PHACTR3: variants seen among roughly 807,000 people sequenced by gnomAD.
PHACTR3 encodes phosphatase and actin regulator 3, also known as protein phosphatase 1, regulatory subunit 123.
In PHACTR3, 16 loss-of-function variants were observed where a neutral mutation model predicts 66.8. The observed-to-expected ratio is 0.24, with a 90% CI of 0.16 to 0.36. The LOEUF is 0.36. PHACTR3 is among the 10% of genes least tolerant of loss of function. PHACTR3 has a pLI of 1.00. For synonymous variants in PHACTR3, 323 were observed against 292.1 expected (o/e 1.11, Z -1.08); for missense variants, 647 against 719.9 (o/e 0.90, Z 1.16).
intron 7 of PHACTR3, among the ~76,000 whole-genome samples, chr20:59,784,316 G>GTATA (rs766319585): frequency 1.1e-4 from 14 of 128,788 alleles, no homozygotes; most frequent in South Asian, 7.1e-4. Flanking sequence ...GTGTGTGGAT[G>GTATA]TATATATATA....
intron 1 of PHACTR3, among the ~76,000 whole-genome samples, chr20:59,685,569 C>T (rs1467294497): frequency 6.6e-6 from 1 of 152,332 alleles, no homozygotes; most frequent in Non-Finnish European, 1.5e-5. Flanking sequence ...TTCACTGCGC[C>T]GTTGCCATTT....
chr20:59,747,664 GTCTGTAAA>G, intron 2 of PHACTR3, 86 bp from the exon 3 acceptor site: 44 of 1,430,398 alleles, frequency 3.1e-5, no homozygotes, highest in Non-Finnish European at 4.2e-5. Context: ...AGTGTTTTTG[GTCTGTAAA>G]CTTGAGCCTG....
chr20:59,762,731 C>T (rs2040035542), intron 4 of PHACTR3, among the ~76,000 whole-genome samples: 1 of 152,198 alleles, frequency 6.6e-6, no homozygotes, highest in Non-Finnish European at 1.5e-5. Context: ...CCTGCCAAAC[C>T]CTGGTTTGGA....
At chr20:59,777,075 G>A (rs536557302) in intron 7 of PHACTR3, among the ~76,000 whole-genome samples, 1 of 152,286 alleles carries the variant, frequency 6.6e-6, no homozygotes, top group African/African-American at 2.4e-5. Flanking sequence ...AGTGCTCCAA[G>A]GAGGAGCCAT....
At chr20:59,798,855 T>C (rs2041331036) in intron 7 of PHACTR3, among the ~76,000 whole-genome samples, 1 of 152,078 alleles carries the variant, frequency 6.6e-6, no homozygotes, top group Non-Finnish European at 1.5e-5. Context: ...ACTCTTGTGG[T>C]TTATTTTGTT....
intron 8 of PHACTR3, among the ~76,000 whole-genome samples, chr20:59,828,829 G>GGAGTTA (rs1403628612): frequency 1.3e-5 from 2 of 152,054 alleles, no homozygotes; most frequent in Non-Finnish European, 2.9e-5. Context: ...CGTGGGAGTA[G>GGAGTTA]GAGTTAGAGT....
At chr20:59,754,851 C>T (rs982941189) in intron 3 of PHACTR3, among the ~76,000 whole-genome samples, 4 of 152,242 alleles carry the variant, frequency 2.6e-5, no homozygotes, top group Non-Finnish European at 5.9e-5. Flanking sequence ...AGGGCAGAGG[C>T]CGGGGTCAGA....
chr20:59,618,741 C>T (rs575943082), intron 1 of PHACTR3, among the ~76,000 whole-genome samples: 2 of 151,018 alleles, frequency 1.3e-5, no homozygotes, highest in South Asian at 2.1e-4. Context: ...TGAGCAGGGC[C>T]GAGAGCCTGA....
intron 1 of PHACTR3, among the ~76,000 whole-genome samples, chr20:59,715,117 T>C (rs1160364022): frequency 6.6e-6 from 1 of 152,194 alleles, no homozygotes; most frequent in African/African-American, 2.4e-5. Context: ...CATTTTTTCC[T>C]TTCCGATCCT....
At position 59,755,302 on chromosome 20, in the gene PHACTR3, C is replaced by A. The variant is rs1331544777; in HGVS notation, c.479C>A (p.Thr160Asn). 1.2e-6 allele frequency: 2 copies of A among 1,613,082 alleles called. No homozygotes were observed. Among genetic ancestry groups the A allele is most frequent in the African/African-American group, 2.7e-5 (2 of 74,936 alleles). ...GCCCAGCCCGGAAGCCCCTTGGCCA[C>A]TGGGACGGACCAGGTCTCCCTGGAC... The part of the protein sequence containing the change: ...EDAQPGSPLA[T>N]GTDQVSLDKP... Residue 160 changes from threonine (T) to asparagine (N), a missense_variant, in exon 4 of 13, where the codon ACT becomes AAT. Transcript: ENST00000371015.
intron 1 of PHACTR3, among the ~76,000 whole-genome samples, chr20:59,660,833 A>T (rs2035782744): frequency 1.3e-5 from 2 of 152,278 alleles, no homozygotes. Context: ...TTTTCCAAAA[A>T]TAGGGAAATT....
chr20:59,846,796 AATTT>A (rs1334165542), intron 12 of PHACTR3, among the ~76,000 whole-genome samples: 4 of 152,184 alleles, frequency 2.6e-5, no homozygotes, highest in East Asian at 1.9e-4. Flanking sequence ...AATTTTCAAT[AATTT>A]ATTAACAAAT....
intron 1 of PHACTR3, among the ~76,000 whole-genome samples, chr20:59,638,813 A>G (rs62643374): frequency 0.061 from 8,634 of 140,636 alleles, 464 homozygotes; most frequent in African/African-American, 0.13. Flanking sequence ...TGGATGGACG[A>G]ATGGATGGGT....
chr20:59,640,578 A>G (rs1445400174), intron 1 of PHACTR3, among the ~76,000 whole-genome samples: 1 of 152,216 alleles, frequency 6.6e-6, no homozygotes, highest in Non-Finnish European at 1.5e-5. Context: ...CCTGCTCATT[A>G]TGATGACATG....
chr20:59,742,466 G>GTGCTCACTGACA lies in PHACTR3; in HGVS notation c.119-634_119-633insTGACATGCTCAC, dbSNP rs2039202145. ...CTGCTTCCTCTGCCTGCTCACAGAC[G>GTGCTCACTGACA]TGCTCACAGACGTGCTCACTCTGCA... On this transcript the variant is annotated intron_variant, in intron 1 of 12. Transcript: ENST00000371015. 3.7e-5 allele frequency among the ~76,000 whole-genome samples: 3 copies of GTGCTCACTGACA among 80,404 alleles called. No homozygotes were observed. In the African/African-American group the frequency reaches 4.1e-4, roughly 11 times the overall value. The allele number at this position is 80,404 out of a possible 152,430, so 52.7% of individuals were successfully genotyped here.
Position 59,767,364 on chromosome 20 carries a change from G to A in PHACTR3, c.720G>A (p.Lys240=). Residue 240 remains lysine, a synonymous_variant, in exon 5 of 13, where the codon AAG becomes AAA. Transcript: ENST00000371015. The part of the protein sequence containing the change: ...SPPLLPTPPP[K]ASSKTTKNVT... ...CACTGCTGCCCACTCCGCCACCCAA[G>A]GCAAGCTCCAAAACCACAAAAAATG... The A allele has an allele frequency of 1.2e-6, 2 of 1,613,974 alleles. No homozygotes were observed. The highest frequency in any genetic ancestry group is 8.5e-7 in the Non-Finnish European group (1 of 1,180,030).
At chr20:59,777,897 A>G (rs1413255674) in intron 7 of PHACTR3, among the ~76,000 whole-genome samples, 1 of 151,250 alleles carries the variant, frequency 6.6e-6, no homozygotes, top group Non-Finnish European at 1.5e-5. Flanking sequence ...GTCTCTGTGG[A>G]CTCTACGCAT....
chr20:59,755,562 T>G (rs2039757558), intron 4 of PHACTR3, among the ~76,000 whole-genome samples, 198 bp downstream of exon 4: 1 of 152,220 alleles, frequency 6.6e-6, no homozygotes, highest in South Asian at 2.1e-4. Flanking sequence ...CTCTACTGTC[T>G]CTTTCCAAGT....
chr20:59,737,535 CGTGCAT>C lies in PHACTR3; in HGVS notation c.119-5562_119-5557del, dbSNP rs570097963. On this transcript the variant is annotated intron_variant, in intron 1 of 12. Transcript: ENST00000371015. Reference sequence around the variant, plus strand: ...GTGCATGTGTGCGTGTATGTGTGTGCGTGCATGTGCATGTGTGTGTCTCTGTGTGCA... The same window carrying C: ...GTGCATGTGTGCGTGTATGTGTGTGCGTGCATGTGTGTGTCTCTGTGTGCA... Among the ~76,000 whole-genome samples, 14 of 151,464 alleles carry C rather than the reference CGTGCAT, an allele frequency of 9.2e-5. No homozygotes were observed. In the East Asian group the frequency reaches 1.8e-3, roughly 19 times the overall value.
Sources: gnomAD v4.1 joint callset for allele counts (sites outside exome capture counted in the v4.1 genomes callset) on GRCh38, gnomAD v4.1.1 for gene constraint, MANE v1.5 for transcripts, NCBI Gene and HGNC (gene_info 2026-07-23, HGNC 2026-07-21) for gene names.